AGBL3: variants seen among roughly 807,000 people sequenced by gnomAD.
AGBL3 encodes AGBL carboxypeptidase 3.
In AGBL3, 68 loss-of-function variants were observed where a neutral mutation model predicts 94.5. The ratio of observed to expected loss-of-function variants is 0.72; its 90% CI spans 0.59 to 0.88. The LOEUF (loss-of-function observed/expected upper bound fraction) is 0.88. AGBL3 is among the 40% of genes least tolerant of loss of function. The pLI, the probability that AGBL3 is intolerant of heterozygous loss-of-function variation, is 0.00. For synonymous variants in AGBL3, 354 were observed against 370.7 expected (o/e 0.95, Z 0.52); for missense variants, 934 against 1,103.8 (o/e 0.85, Z 2.18).
At chr7:135,017,195 A>G in intron 5 of AGBL3, 36 bp downstream of exon 5, 1 of 1,396,126 alleles carries the variant, frequency 7.2e-7, no homozygotes, top group Non-Finnish European at 9.9e-7. Flanking sequence ...TGTAAAATAT[A>G]ATTTGGTACT....
At chr7:135,096,107 A>C (rs1822632897) in intron 15 of AGBL3, among the ~76,000 whole-genome samples, 1 of 151,754 alleles carries the variant, frequency 6.6e-6, no homozygotes, top group Non-Finnish European at 1.5e-5. Context: ...AGCTGAGATC[A>C]TGCCACTGCA....
At chr7:135,033,373 C>G (rs1381421114) in intron 6 of AGBL3, among the ~76,000 whole-genome samples, 3 of 152,150 alleles carry the variant, frequency 2.0e-5, no homozygotes, top group Non-Finnish European at 4.4e-5. Flanking sequence ...TAGTACAATT[C>G]TGTGTCCATG....
chr7:135,098,236 T>C (rs1000368839), intron 15 of AGBL3, among the ~76,000 whole-genome samples: 2 of 152,188 alleles, frequency 1.3e-5, no homozygotes, highest in African/African-American at 4.8e-5. Flanking sequence ...CATGGAGGAT[T>C]GTTTCCAGGA....
In AGBL3 at chr7:135,041,510, C is replaced by T. The variant is rs570571710; in HGVS notation, c.1501-2515C>T. Among the ~76,000 whole-genome samples the T allele has an allele frequency of 9.9e-5, 15 of 152,140 alleles. 1 individual carries two copies. The South Asian group carries it at 2.5e-3, about 25-fold the overall frequency. ...ACAGGAAATTTAATGGAGAAAGAAA[C>T]ATTTAAATAAATAAGTGTCGGAACA... On this transcript the variant is annotated intron_variant, in intron 8 of 16. Coordinates refer to ENST00000436302, the MANE Select transcript of AGBL3 (RefSeq NM_178563.4).
intron 7 of AGBL3, among the ~76,000 whole-genome samples, chr7:135,036,898 C>T (rs28421680): frequency 0.021 from 3,137 of 149,384 alleles, 118 homozygotes; most frequent in African/African-American, 0.072. Context: ...AAATTTTGTC[C>T]TTATAATGGA....
intron 16 of AGBL3, among the ~76,000 whole-genome samples, chr7:135,122,068 G>C (rs907047275): frequency 5.3e-5 from 8 of 152,202 alleles, no homozygotes; most frequent in African/African-American, 1.9e-4. Context: ...TGCTGTCTAA[G>C]CCGTTTGAGT....
chr7:135,005,306 C>CT (rs1812249112), intron 4 of AGBL3, among the ~76,000 whole-genome samples: 1 of 151,660 alleles, frequency 6.6e-6, no homozygotes. Flanking sequence ...ACAAATTTAA[C>CT]AAATGCATAC....
chr7:135,075,500 G>T (rs1027398409), intron 12 of AGBL3, among the ~76,000 whole-genome samples: 1 of 152,162 alleles, frequency 6.6e-6, no homozygotes, highest in African/African-American at 2.4e-5. Flanking sequence ...GAACATGTGG[G>T]TTGTTTTCAG....
intron 9 of AGBL3, among the ~76,000 whole-genome samples, 165 bp from the exon 10 acceptor site, chr7:135,045,309 A>G (rs1817253005): frequency 6.6e-6 from 1 of 152,156 alleles, no homozygotes; most frequent in South Asian, 2.1e-4. Context: ...TGGAAAAGGA[A>G]CAAGGGAAAG....
At chr7:135,075,083 C>T (rs1820324504) in intron 12 of AGBL3, among the ~76,000 whole-genome samples, 1 of 152,004 alleles carries the variant, frequency 6.6e-6, no homozygotes, top group African/African-American at 2.4e-5. Context: ...TTCTGTTTCC[C>T]CTAATGGTAA....
chr7:135,076,497 G>GT (rs1187541012), intron 13 of AGBL3, 29 bp downstream of exon 13: 71 of 1,473,364 alleles, frequency 4.8e-5, no homozygotes, highest in Admixed American at 2.5e-4. Flanking sequence ...AGTTATTAAG[G>GT]TTTTTTTAAA....
intron 16 of AGBL3, among the ~76,000 whole-genome samples, chr7:135,124,653 A>C (rs1450256214): frequency 2.0e-5 from 3 of 152,202 alleles, no homozygotes; most frequent in Non-Finnish European, 4.4e-5. Context: ...TGGAAGTAAA[A>C]CAGTCCTCAA....
At chr7:135,054,395 T>C (rs1230388482) in intron 11 of AGBL3, among the ~76,000 whole-genome samples, 4 of 152,192 alleles carry the variant, frequency 2.6e-5, no homozygotes, top group Non-Finnish European at 4.4e-5. Flanking sequence ...AAAGGAAGCA[T>C]TGTGTTTCAA....
At chr7:135,091,828 G>A (rs1214948584) in intron 15 of AGBL3, among the ~76,000 whole-genome samples, 1 of 152,110 alleles carries the variant, frequency 6.6e-6, no homozygotes. Flanking sequence ...CATCATTTAA[G>A]GCATAAGCAC....
chr7:135,001,614 T>C (rs1483600077), intron 4 of AGBL3, among the ~76,000 whole-genome samples: 1 of 152,204 alleles, frequency 6.6e-6, no homozygotes, highest in East Asian at 1.9e-4. Context: ...ATCCCATCAG[T>C]GTCCAACCTG....
chr7:135,071,690 G>T (rs1819924746), intron 12 of AGBL3, among the ~76,000 whole-genome samples: 1 of 152,190 alleles, frequency 6.6e-6, no homozygotes, highest in Non-Finnish European at 1.5e-5. Context: ...AAATGGTGCT[G>T]GGAAAATTGG....
At chr7:135,129,396 CA>C in intron 16 of AGBL3, 1 of 825,330 alleles carries the variant, frequency 1.2e-6, no homozygotes. Context: ...ACTTTTGGAA[CA>C]AAGGTATGAT....
chr7:135,095,015 T>G (rs1281391773), intron 15 of AGBL3, among the ~76,000 whole-genome samples: 1 of 152,186 alleles, frequency 6.6e-6, no homozygotes, highest in Non-Finnish European at 1.5e-5. Context: ...TCACAGTTCA[T>G]CAGCAGTTCA....
chr7:135,084,718 C>A (rs1005580207), intron 15 of AGBL3, among the ~76,000 whole-genome samples: 2 of 151,998 alleles, frequency 1.3e-5, no homozygotes, highest in Non-Finnish European at 2.9e-5. Flanking sequence ...TGTATATATA[C>A]CATATTTTCT....
Sources: allele counts gnomAD v4.1 joint callset (sites outside exome capture counted in the v4.1 genomes callset), GRCh38; gene constraint gnomAD v4.1.1; transcripts MANE v1.5; gene names NCBI Gene and HGNC (gene_info 2026-07-23, HGNC 2026-07-21).